The following MPHOSPH9 variants were observed in gnomAD, a reference collection of about 807,000 sequenced individuals.
MPHOSPH9 encodes M-phase phosphoprotein 9.
MPHOSPH9 carries 88 observed loss-of-function variants against 145.5 expected under a neutral mutation model. That is an observed-to-expected ratio of 0.60 (90% confidence interval 0.51 to 0.72). MPHOSPH9 has a LOEUF of 0.72. Ranked by LOEUF, MPHOSPH9 falls within the 30% of genes least tolerant of loss-of-function variation. The pLI is 0.00. For synonymous variants in MPHOSPH9, 435 were observed against 486.2 expected, an observed-to-expected ratio of 0.89 and a Z score of 1.39; for missense variants, 1,238 against 1,386.6, an observed-to-expected ratio of 0.89 and a Z score of 1.70.
chr12:123,230,088 C>G, intron 2 of MPHOSPH9, 173 bp downstream of exon 2: 2 of 457,416 alleles, frequency 4.4e-6, no homozygotes, highest in Non-Finnish European at 7.8e-6. Context: ...TACCAAGGTG[C>G]TGGGATTACA....
At position 123,210,049 on chromosome 12, in the gene MPHOSPH9, A is replaced by T; in HGVS notation, c.1194+7T>A. 1 of 1,597,584 alleles carries T rather than the reference A, an allele frequency of 6.3e-7. No individual in the cohort carries two copies. Among genetic ancestry groups the T allele is most frequent in the Non-Finnish European group, 8.5e-7 (1 of 1,171,186 alleles). ...CCGCGCCCGGCCACCGTGTGTTTTT[A>T]AATTACCTGGTTTGGTGACACATCT... On this transcript the variant is annotated splice_region_variant and intron_variant, in intron 8 of 23. Coordinates refer to ENST00000606320, the MANE Select transcript of MPHOSPH9 (RefSeq NM_022782.4).
At chr12:123,192,896 G>A (rs534341537) in intron 13 of MPHOSPH9, among the ~76,000 whole-genome samples, 1 of 151,076 alleles carries the variant, frequency 6.6e-6, no homozygotes, top group Non-Finnish European at 1.5e-5. Flanking sequence ...TGGCCAGCAT[G>A]GTGAAATCAC....
chr12:123,205,550 A>G (rs1334886696), intron 8 of MPHOSPH9, among the ~76,000 whole-genome samples: 3 of 152,292 alleles, frequency 2.0e-5, no homozygotes, highest in African/African-American at 7.2e-5. Context: ...TGCCTCAAAA[A>G]AAAAAAAGTA....
At chr12:123,187,852 G>A (rs1022582750) in intron 13 of MPHOSPH9, among the ~76,000 whole-genome samples, 2 of 152,160 alleles carry the variant, frequency 1.3e-5, no homozygotes, top group East Asian at 1.9e-4. Context: ...TGGGCTGGGC[G>A]CCGTGGCTCG....
chr12:123,221,655 T>C lies in MPHOSPH9; in HGVS notation c.589A>G (p.Ser197Gly), dbSNP rs374885025. ...GAGATACAAAAGGTGCCATATCCAC[T>C]GCTTACTGAGCAACTATCCACATTG... is the stretch of plus-strand genomic sequence containing the variant. ...DCNVDSCSVS[S>G]GYGTFCISEL... The change falls in exon 5 of 24, where the codon AGT (serine) becomes GGT (glycine). Residue 197 changes from serine to glycine, a missense_variant. Transcript: ENST00000606320. 3 of 1,614,218 alleles carry C rather than the reference T, an allele frequency of 1.9e-6. No individual in the cohort carries two copies. In the African/African-American group the frequency reaches 4.0e-5, roughly 22 times the overall value.
chr12:123,220,294 C>T (rs894858349), intron 5 of MPHOSPH9, among the ~76,000 whole-genome samples: 9 of 151,880 alleles, frequency 5.9e-5, no homozygotes, highest in African/African-American at 1.7e-4. Flanking sequence ...GGGCCAGGCA[C>T]GGTGGCTCAC....
upstream of MPHOSPH9, among the ~76,000 whole-genome samples, chr12:123,237,670 CACTT>C (rs906707307): frequency 1.5e-4 from 23 of 152,282 alleles, no homozygotes; most frequent in African/African-American, 5.5e-4. Flanking sequence ...TATCTGCAAA[CACTT>C]ACTGTGAGTG....
At chr12:123,199,225 G>A (rs1055533854) in intron 11 of MPHOSPH9, among the ~76,000 whole-genome samples, 1 of 151,972 alleles carries the variant, frequency 6.6e-6, no homozygotes, top group South Asian at 2.1e-4. Flanking sequence ...GGACTCATGC[G>A]ATCCAATTTA....
At chr12:123,231,226 C>A (rs4759408) in intron 1 of MPHOSPH9, among the ~76,000 whole-genome samples, 6,091 of 152,250 alleles carry the variant, frequency 0.04, 280 homozygotes, top group East Asian at 0.27. Flanking sequence ...AAGTGCTCAG[C>A]CTCCCGAGCA....
At chr12:123,209,177 C>T (rs2046583908) in intron 8 of MPHOSPH9, among the ~76,000 whole-genome samples, 1 of 152,078 alleles carries the variant, frequency 6.6e-6, no homozygotes, top group African/African-American at 2.4e-5. Flanking sequence ...AGGTGATCTG[C>T]CCACCTTGGC....
Position 123,223,193 on chromosome 12 carries a change from C to T in MPHOSPH9, c.259-66G>A, listed in dbSNP as rs926823520. 1.0e-5 allele frequency: 11 copies of T among 1,058,626 alleles called. No homozygotes were observed. In the Admixed American group the frequency reaches 2.9e-4, roughly 28 times the overall value. The allele number at this position is 1,058,626 out of a possible 1,614,324, so 65.6% of individuals were successfully genotyped here. ...GACTTAACATTTCACAGAACAATTC[C>T]TCCAGTGTAAAAGAGCCCTTTTTAG... is the stretch of plus-strand genomic sequence containing the variant. On this transcript the variant is annotated intron_variant, in intron 3 of 23. Transcript: ENST00000606320.
chr12:123,174,092 G>GT (rs2044718093), intron 16 of MPHOSPH9, among the ~76,000 whole-genome samples: 1 of 152,208 alleles, frequency 6.6e-6, no homozygotes, highest in African/African-American at 2.4e-5. Context: ...TCGCTTGCTG[G>GT]TGAGGAGAAA....
chr12:123,213,788 A>G (rs2046844213), intron 7 of MPHOSPH9, among the ~76,000 whole-genome samples: 3 of 150,270 alleles, frequency 2.0e-5, no homozygotes, highest in African/African-American at 7.6e-5. Flanking sequence ...GGACTCTGTG[A>G]ACAACAGGGT....
chr12:123,208,533 CA>C (rs373218740), intron 8 of MPHOSPH9, among the ~76,000 whole-genome samples: 111 of 111,142 alleles, frequency 1.0e-3, no homozygotes, highest in African/African-American at 3.0e-3. Context: ...GAAACTGTCT[CA>C]AAAAAAAAAA....
chr12:123,177,527 C>A (rs1395450511), intron 15 of MPHOSPH9, among the ~76,000 whole-genome samples: 1 of 151,562 alleles, frequency 6.6e-6, no homozygotes, highest in Non-Finnish European at 1.5e-5. Context: ...CAGAGCAAGA[C>A]TTTGTCTCAA....
In MPHOSPH9 at chr12:123,156,800, A is replaced by G. The variant is rs2043882678; in HGVS notation, c.*7T>C. The G allele has an allele frequency of 1.2e-6, 2 of 1,606,458 alleles. No individual in the cohort carries two copies. Among genetic ancestry groups the G allele is most frequent in the Non-Finnish European group, 1.7e-6 (2 of 1,174,508 alleles). ...AAAAATGTCTCAAAATTTAATGGCT[A>G]CAAATCTCAAAGATTTGCAGAGGTG... On this transcript the variant is annotated 3_prime_UTR_variant, in exon 24 of 24. Coordinates refer to ENST00000606320, the MANE Select transcript of MPHOSPH9 (RefSeq NM_022782.4).
chr12:123,180,222 C>A (rs189275560), intron 14 of MPHOSPH9, among the ~76,000 whole-genome samples: 252 of 152,242 alleles, frequency 1.7e-3, no homozygotes, highest in African/African-American at 5.8e-3. Flanking sequence ...ACAGATACAG[C>A]CCTTTATACT....
At chr12:123,213,024 T>C (rs2046809597) in intron 7 of MPHOSPH9, among the ~76,000 whole-genome samples, 1 of 151,524 alleles carries the variant, frequency 6.6e-6, no homozygotes, top group Non-Finnish European at 1.5e-5. Context: ...CAAGCCCAGC[T>C]AATTTTTTGT....
rs1017463345 is a variant in MPHOSPH9 at position 123,181,074 on chromosome 12, G to A, written c.2289+89C>T. 4.9e-5 allele frequency: 60 copies of A among 1,216,930 alleles called. No homozygotes were observed. The African/African-American group carries it at 5.4e-4, about 11-fold the overall frequency. 75.4% of individuals were successfully genotyped at this position (1,216,930 alleles called of 1,614,324 possible). ...CAGCTACGGAGGTTCAGGAAGGGGT[G>A]CAAGGAGGAGAAGAGTCAGATCCCT... On this transcript the variant is annotated intron_variant, in intron 14 of 23. Coordinates refer to ENST00000606320, the MANE Select transcript of MPHOSPH9 (RefSeq NM_022782.4).
Sources: gnomAD v4.1 joint callset for allele counts (sites outside exome capture counted in the v4.1 genomes callset) on GRCh38, gnomAD v4.1.1 for gene constraint, MANE v1.5 for transcripts, NCBI Gene and HGNC (gene_info 2026-07-23, HGNC 2026-07-21) for gene names.